HIRA: variants seen among roughly 807,000 people sequenced by gnomAD.
HIRA encodes protein HIRA.
Under a neutral mutation model 126.6 loss-of-function variants are expected in HIRA, and 13 were observed. The ratio of observed to expected loss-of-function variants is 0.10; its 90% CI spans 0.07 to 0.16. The LOEUF (loss-of-function observed/expected upper bound fraction) is 0.16. Ranked by LOEUF, HIRA falls within the 10% of genes least tolerant of loss-of-function variation. The probability of loss-of-function intolerance (pLI) is 1.00; values close to 1 mark genes in which losing one functional copy is unlikely to be tolerated. For missense variants in HIRA, 834 were observed against 1,314.4 expected (o/e 0.63, Z 5.65); for synonymous variants, 511 against 520.0 (o/e 0.98, Z 0.24).
intron 1 of HIRA, among the ~76,000 whole-genome samples, chr22:19,418,865 G>A (rs997483503): frequency 6.6e-6 from 1 of 151,892 alleles, no homozygotes; most frequent in Non-Finnish European, 1.5e-5. Flanking sequence ...AAGTCCAGAA[G>A]TACCTTCTCA....
At chr22:19,342,717 C>A (rs1480923016) in intron 24 of HIRA, among the ~76,000 whole-genome samples, 4 of 152,154 alleles carry the variant, frequency 2.6e-5, no homozygotes, top group Middle Eastern at 3.2e-3. Flanking sequence ...AAAAGTAGAA[C>A]TACCATTTGA....
rs550697947 is a variant in HIRA, at chr22:19,410,871, C to A, written c.38-93G>T. 2.9e-4 allele frequency: 282 copies of A among 973,824 alleles called. 1 individual carries two copies. The South Asian group carries it at 3.5e-3, about 12-fold the overall frequency. 60.3% of individuals were successfully genotyped at this position (973,824 alleles called of 1,614,324 possible). On this transcript the variant is annotated intron_variant, in intron 1 of 24. Coordinates refer to ENST00000263208, the MANE Select transcript of HIRA (RefSeq NM_003325.4). ...ACAGATTCAGTTAAAGTCTAAACTG[C>A]TAGAAGATTCTCCAAACATCAGACA...
At chr22:19,345,137 A>G (rs2088672543) in intron 24 of HIRA, among the ~76,000 whole-genome samples, 2 of 152,220 alleles carry the variant, frequency 1.3e-5, no homozygotes, top group African/African-American at 2.4e-5. Context: ...AGACAGATCA[A>G]TTAGGCAAGG....
At chr22:19,356,392 C>A in intron 19 of HIRA, 104 bp from the exon 20 acceptor site, 1 of 915,658 alleles carries the variant, frequency 1.1e-6, no homozygotes, top group Admixed American at 1.8e-5. Context: ...CGACCCTAAC[C>A]CTGGCCTCTC....
At chr22:19,343,288 A>C (rs2088651493) in intron 24 of HIRA, among the ~76,000 whole-genome samples, 1 of 152,224 alleles carries the variant, frequency 6.6e-6, no homozygotes, top group Non-Finnish European at 1.5e-5. Flanking sequence ...GCAGTGGCTC[A>C]CACCTGTAAT....
At chr22:19,405,187 T>C (rs1444761951) in intron 5 of HIRA, among the ~76,000 whole-genome samples, 2 of 152,164 alleles carry the variant, frequency 1.3e-5, no homozygotes, top group Non-Finnish European at 2.9e-5. Flanking sequence ...TTCTCACTTA[T>C]GCTGTACCAC....
At chr22:19,355,672 C>G in intron 21 of HIRA, 88 bp downstream of exon 21, 1 of 895,166 alleles carries the variant, frequency 1.1e-6, no homozygotes, top group Non-Finnish European at 1.8e-6. Flanking sequence ...CAGGGCTAGG[C>G]AGCCCTGTAG....
At chr22:19,416,081 G>T (rs1018265561) in intron 1 of HIRA, among the ~76,000 whole-genome samples, 1 of 152,142 alleles carries the variant, frequency 6.6e-6, no homozygotes, top group African/African-American at 2.4e-5. Context: ...ATAAACTGTT[G>T]TGTATATGAT....
chr22:19,361,323 C>T lies in HIRA; in HGVS notation c.1999G>A (p.Ala667Thr), dbSNP rs759651277. The T allele has an allele frequency of 3.5e-5, 56 of 1,613,976 alleles. No homozygotes were observed. Among genetic ancestry groups the T allele is most frequent in the Admixed American group, 8.3e-5 (5 of 59,996 alleles). Residue 667 changes from alanine (A) to threonine (T), a missense_variant, in exon 17 of 25, where the codon GCA becomes ACA. Coordinates refer to ENST00000263208, the MANE Select transcript of HIRA (RefSeq NM_003325.4). The part of the protein sequence containing the change: ...LSVQSPAALT[A>T]EKEAMCLSAP... ...GACAGACACATGGCCTCCTTCTCTG[C>T]GGTTAGGGCAGCTGGAGACTGGAAG...
intron 23 of HIRA, 124 bp downstream of exon 23, chr22:19,353,232 C>A (rs1297662197): frequency 5.8e-6 from 7 of 1,199,016 alleles, no homozygotes; most frequent in Non-Finnish European, 8.4e-6. Flanking sequence ...GACTGCAGCT[C>A]AGGCTGGGAG....
chr22:19,356,203 G>A (rs782330508), intron 20 of HIRA, 27 bp downstream of exon 20: 2 of 1,606,440 alleles, frequency 1.2e-6, no homozygotes, highest in African/African-American at 2.7e-5. Flanking sequence ...CCCCAAAAGA[G>A]TAGGGACAGC....
intron 9 of HIRA, among the ~76,000 whole-genome samples, chr22:19,389,237 G>T (rs896580606): frequency 6.6e-6 from 1 of 152,062 alleles, no homozygotes; most frequent in Admixed American, 6.6e-5. Context: ...TCCTGTAAAA[G>T]TCTCTTCTGG....
chr22:19,375,626 C>T lies in HIRA; in HGVS notation c.1775+5G>A, dbSNP rs2089010782. ...GTCCTTCAGGGTCCTGCAGCTACCA[C>T]CTACCTTTCCACAGCTGTCGGAGTC... On this transcript the variant is annotated splice_donor_5th_base_variant and intron_variant, in intron 15 of 24. Transcript: ENST00000263208. 6.2e-7 allele frequency: 1 copy of T among 1,614,046 alleles called. No individual in the cohort carries two copies.
chr22:19,373,937 TG>T (rs1556016846), intron 15 of HIRA, among the ~76,000 whole-genome samples: 11 of 151,402 alleles, frequency 7.3e-5, no homozygotes, highest in Admixed American at 2.0e-4. Flanking sequence ...CTGGCTTTTT[TG>T]TTCACTCTTA....
intron 9 of HIRA, among the ~76,000 whole-genome samples, chr22:19,390,079 G>A (rs2089164202): frequency 6.6e-6 from 1 of 151,944 alleles, no homozygotes; most frequent in African/African-American, 2.4e-5. Flanking sequence ...CACCAAGACT[G>A]CTCCCTGCAC....
At chr22:19,385,375 A>G in intron 12 of HIRA, 146 bp downstream of exon 12, 1 of 702,030 alleles carries the variant, frequency 1.4e-6, no homozygotes, top group East Asian at 2.7e-5. Context: ...AGCAGTGGGC[A>G]AGGGGCCAAC....
chr22:19,350,691 A>C (rs1451432093), intron 24 of HIRA, among the ~76,000 whole-genome samples: 1 of 151,920 alleles, frequency 6.6e-6, no homozygotes, highest in African/African-American at 2.4e-5. Context: ...CAACTCTGCC[A>C]AGAAGAAAAC....
intron 9 of HIRA, among the ~76,000 whole-genome samples, chr22:19,389,149 T>G (rs946207357): frequency 5.9e-5 from 9 of 152,230 alleles, no homozygotes; most frequent in African/African-American, 1.9e-4. Context: ...ATTTTATTCT[T>G]CAAAGTAAGA....
At chr22:19,371,545 G>T (rs2088965298) in intron 15 of HIRA, among the ~76,000 whole-genome samples, 1 of 151,972 alleles carries the variant, frequency 6.6e-6, no homozygotes, top group East Asian at 1.9e-4. Flanking sequence ...TATTCATAAG[G>T]TTAAGCAACC....
Sources: gnomAD v4.1 joint callset for allele counts (sites outside exome capture counted in the v4.1 genomes callset) on GRCh38, gnomAD v4.1.1 for gene constraint, MANE v1.5 for transcripts, NCBI Gene and HGNC (gene_info 2026-07-23, HGNC 2026-07-21) for gene names.